The following RNF19A variants were observed in gnomAD, a reference collection of about 807,000 sequenced individuals.
RNF19A encodes the protein E3 ubiquitin-protein ligase RNF19A.
In RNF19A, 32 loss-of-function variants were observed where a neutral mutation model predicts 75.7. The ratio of observed to expected loss-of-function variants is 0.42; its 90% CI spans 0.32 to 0.57. The LOEUF (loss-of-function observed/expected upper bound fraction) is 0.57. Ranked by LOEUF, RNF19A falls within the 20% of genes least tolerant of loss-of-function variation. The probability of loss-of-function intolerance (pLI) is 0.10; values close to 1 mark genes in which losing one functional copy is unlikely to be tolerated. For missense variants in RNF19A, 782 were observed against 1,036.3 expected (o/e 0.75, Z 3.37); for synonymous variants, 335 against 345.2 (o/e 0.97, Z 0.33).
At chr8:100,307,547 C>CAA (rs148803630) in intron 1 of RNF19A, among the ~76,000 whole-genome samples, 170 of 145,572 alleles carry the variant, frequency 1.2e-3, no homozygotes, top group African/African-American at 3.8e-3. Context: ...ACTGCCGCAA[C>CAA]AAAAAAAAAA....
At chr8:100,321,275 A>G (rs1411411213) in intron 1 of RNF19A, among the ~76,000 whole-genome samples, 3 of 152,264 alleles carry the variant, frequency 2.0e-5, no homozygotes, top group African/African-American at 7.2e-5. Flanking sequence ...AACTAAGTTT[A>G]TGAAATCTTC....
intron 5 of RNF19A, 65 bp downstream of exon 5, chr8:100,268,712 ATCATCAAT>A: frequency 2.0e-6 from 2 of 1,013,046 alleles, no homozygotes; most frequent in Non-Finnish European, 1.3e-6. Context: ...AAACCCAAAA[ATCATCAAT>A]ACTAAAAGAA....
intron 1 of RNF19A, among the ~76,000 whole-genome samples, chr8:100,291,454 C>T (rs1821291114): frequency 6.6e-6 from 1 of 152,224 alleles, no homozygotes; most frequent in African/African-American, 2.4e-5. Context: ...CTTTTACCTT[C>T]AGAAGTGCTT....
rs1819604610 is a variant in RNF19A at position 100,259,323 on chromosome 8, T to C, written c.1827-77A>G. On this transcript the variant is annotated intron_variant, in intron 9 of 9. Transcript: ENST00000341084. This position sits in a 1 kb window ranked among gnomAD's most constrained non-coding sequence, Gnocchi z 4.5. ...CAGATGACTGGGGGAAGGGTTTCTA[T>C]GTGGAAAATTCAGACTATATATAAG... 8.3e-6 allele frequency: 10 copies of C among 1,207,924 alleles called. No individual in the cohort carries two copies. Among genetic ancestry groups the C allele is most frequent in the Non-Finnish European group, 1.2e-5 (10 of 859,450 alleles). 74.8% of individuals were successfully genotyped at this position (1,207,924 alleles called of 1,614,324 possible).
chr8:100,303,760 G>A (rs1405806225), intron 1 of RNF19A, among the ~76,000 whole-genome samples: 1 of 104,774 alleles, frequency 9.5e-6, no homozygotes, highest in Non-Finnish European at 1.8e-5. Flanking sequence ...CTCGCCGCTT[G>A]TAAAAAAAAA....
chr8:100,312,005 G>C (rs747921349), upstream of RNF19A, among the ~76,000 whole-genome samples: 5 of 152,160 alleles, frequency 3.3e-5, no homozygotes. Context: ...AGGCACCTCA[G>C]ATTCAGGCTG....
chr8:100,285,092 T>G (rs187283334), intron 2 of RNF19A, among the ~76,000 whole-genome samples: 55 of 152,282 alleles, frequency 3.6e-4, no homozygotes, highest in African/African-American at 1.2e-3. Context: ...TTGTTGTTAT[T>G]GTGGAACATC....
rs1355780968 is a variant in RNF19A, at chr8:100,322,536, T to C, written c.-242-9164A>G. 2.0e-5 allele frequency among the ~76,000 whole-genome samples: 3 copies of C among 152,266 alleles called. No homozygotes were observed. Among genetic ancestry groups the C allele is most frequent in the Admixed American group, 6.5e-5 (1 of 15,286 alleles). On this transcript the variant is annotated intron_variant, in intron 1 of 3. Coordinates refer to the RNF19A transcript ENST00000519527. The surrounding 1 kb of genome is among the most constrained non-coding windows in gnomAD (Gnocchi z 5.1). ...ATTAGCAATAAGGCTGTTTCATTTA[T>C]GAGTTCACTGGAGTAGCAATTTTAA...
At chr8:100,306,534 TAAAG>T (rs1398299138) in intron 1 of RNF19A, among the ~76,000 whole-genome samples, 1 of 152,206 alleles carries the variant, frequency 6.6e-6, no homozygotes, top group African/African-American at 2.4e-5. Context: ...ATGACAGTGA[TAAAG>T]AGAGCAATGC....
chr8:100,264,364 T>C lies in RNF19A; in HGVS notation c.1307-169A>G. The C allele has an allele frequency of 1.6e-6, 1 of 636,730 alleles. No individual in the cohort carries two copies. The highest frequency in any genetic ancestry group is 2.6e-6 in the Non-Finnish European group (1 of 380,432). The allele number at this position is 636,730 out of a possible 1,614,324, so 39.4% of individuals were successfully genotyped here. ...TAGATTTACCCAGTTGTTAAGCAAA[T>C]TCAAGGTTCCCAGCCTTTCAGGTAA... is the stretch of plus-strand genomic sequence containing the variant. On this transcript the variant is annotated intron_variant, in intron 6 of 9. Coordinates refer to ENST00000341084, the MANE Select transcript of RNF19A (RefSeq NM_183419.4). This position sits in a 1 kb window ranked among gnomAD's most constrained non-coding sequence, Gnocchi z 4.7.
chr8:100,273,588 T>A (rs1375923081), intron 3 of RNF19A, among the ~76,000 whole-genome samples: 1 of 152,190 alleles, frequency 6.6e-6, no homozygotes, highest in Non-Finnish European at 1.5e-5. Flanking sequence ...AAATCATGAT[T>A]TATTTTAAAA....
Position 100,269,424 on chromosome 8 carries a change from T to C in RNF19A, c.1028+445A>G, listed in dbSNP as rs1223161311. Reference sequence around the variant, plus strand: ...ATTAACAAGATACTGATAACTGAGATTCAGGTTAAAAATTTATCCCTAGTC... The same window carrying C: ...ATTAACAAGATACTGATAACTGAGACTCAGGTTAAAAATTTATCCCTAGTC... On this transcript the variant is annotated intron_variant, in intron 4 of 9. Coordinates refer to ENST00000341084, the MANE Select transcript of RNF19A (RefSeq NM_183419.4). This position sits in a 1 kb window ranked among gnomAD's most constrained non-coding sequence, Gnocchi z 5.7. Among the ~76,000 whole-genome samples the C allele has an allele frequency of 6.6e-6, 1 of 151,858 alleles. No individual in the cohort carries two copies. The highest frequency in any genetic ancestry group is 1.5e-5 in the Non-Finnish European group (1 of 67,928).
intron 1 of RNF19A, among the ~76,000 whole-genome samples, chr8:100,306,402 G>A (rs576284467): frequency 6.6e-6 from 1 of 152,042 alleles, no homozygotes; most frequent in East Asian, 1.9e-4. Context: ...TAATTCTTTA[G>A]TAAATGATTT....
At chr8:100,308,324 TAA>T (rs970134318) in intron 1 of RNF19A, among the ~76,000 whole-genome samples, 2 of 152,218 alleles carry the variant, frequency 1.3e-5, no homozygotes, top group African/African-American at 2.4e-5. Context: ...TAACAAATTT[TAA>T]AAGTGTTTTT....
At chr8:100,285,091 T>C (rs954698566) in intron 2 of RNF19A, among the ~76,000 whole-genome samples, 95 of 152,198 alleles carry the variant, frequency 6.2e-4, no homozygotes, top group Non-Finnish European at 4.0e-4. Context: ...GTTGTTGTTA[T>C]TGTGGAACAT....
Position 100,317,302 on chromosome 8 carries a change from G to C in RNF19A, c.-242-3930C>G, listed in dbSNP as rs570050903. Among the ~76,000 whole-genome samples the C allele has an allele frequency of 1.3e-5, 2 of 152,342 alleles. No individual in the cohort carries two copies. The highest frequency in any genetic ancestry group is 1.9e-4 in the East Asian group (1 of 5,192). ...TGGGAGCCCAGGCAGAGGAGGTGCC[G>C]AGAGCAAGCGAGGGCTCTGAGGACT... On this transcript the variant is annotated intron_variant, in intron 1 of 3. Transcript: ENST00000519527. The surrounding 1 kb of genome is among the most constrained non-coding windows in gnomAD (Gnocchi z 4.3).
At chr8:100,314,879 A>T (rs1822350369), upstream of RNF19A, among the ~76,000 whole-genome samples, 1 of 152,144 alleles carries the variant, frequency 6.6e-6, no homozygotes, top group Non-Finnish European at 1.5e-5. The surrounding 1 kb of genome is among the most constrained non-coding windows in gnomAD (Gnocchi z 4.1). Flanking sequence ...ACACCTAGTG[A>T]GAGAAAGAGG....
chr8:100,333,715 G>A lies in RNF19A; in HGVS notation c.-243+2393C>T, dbSNP rs1470820037. Reference sequence around the variant, plus strand: ...CTCCTGTAGTCCTAGCTACTTAGGAGGCTGAGGTGGGAGGATCACTTGAGC... The same window carrying A: ...CTCCTGTAGTCCTAGCTACTTAGGAAGCTGAGGTGGGAGGATCACTTGAGC... On this transcript the variant is annotated intron_variant, in intron 1 of 3. Transcript: ENST00000519527. The surrounding 1 kb of genome is among the most constrained non-coding windows in gnomAD (Gnocchi z 4.7). 1.3e-5 allele frequency among the ~76,000 whole-genome samples: 2 copies of A among 152,186 alleles called. No homozygotes were observed. The highest frequency in any genetic ancestry group is 1.5e-5 in the Non-Finnish European group (1 of 68,036).
Position 100,287,947 on chromosome 8 carries a change from ATCT to A in RNF19A, c.225_227del (p.Lys75_Asp76delinsAsn). 6.2e-7 allele frequency: 1 copy of A among 1,614,140 alleles called. No individual in the cohort carries two copies. Among genetic ancestry groups the A allele is most frequent in the Non-Finnish European group, 8.5e-7 (1 of 1,180,006 alleles). On this transcript the variant is annotated inframe_deletion, in exon 2 of 10. Transcript: ENST00000341084. This position sits in a 1 kb window ranked among gnomAD's most constrained non-coding sequence, Gnocchi z 4.1. ...TTAGCTCCCTTGATTTACGTTTGTT[ATCT>A]TTTTTCCTCCGAAACAGGGAGCCTA...
Sources: gnomAD v4.1 joint callset for allele counts (sites outside exome capture counted in the v4.1 genomes callset) on GRCh38, gnomAD v4.1.1 for gene constraint, Gnocchi (gnomAD v3.1) non-coding constraint, MANE v1.5 for transcripts, NCBI Gene and HGNC (gene_info 2026-07-23, HGNC 2026-07-21) for gene names.